Variants in NAGA observed in about 807,000 individuals in gnomAD.
NAGA encodes alpha-N-acetylgalactosaminidase, also known as Acetylgalactosaminidase, alpha-N- (alpha-galactosidase B).
In NAGA, 42 loss-of-function variants were observed where a neutral mutation model predicts 45.6. That is an observed-to-expected ratio of 0.92 (90% confidence interval 0.72 to 1.19). NAGA has a LOEUF of 1.19. NAGA is among the 50% of genes most tolerant of loss of function. The pLI, the probability that NAGA is intolerant of heterozygous loss-of-function variation, is 0.00. For missense variants in NAGA, 493 were observed against 544.8 expected (o/e 0.90, Z 0.95); for synonymous variants, 176 against 203.1 (o/e 0.87, Z 1.13).
Position 42,067,830 on chromosome 22 carries a change from C to T in NAGA, c.259G>A (p.Ala87Thr). The T allele has an allele frequency of 6.2e-7, 1 of 1,612,450 alleles. No individual in the cohort carries two copies. Among genetic ancestry groups the T allele is most frequent in the Non-Finnish European group, 8.5e-7 (1 of 1,179,954 alleles). The stretch of plus-strand genomic sequence containing the variant: ...GGATCCGGCATCAGGCGGCCACTGG[C>T]ATCGCGACCACCGATCCAGCAGTCA... ...IDDCWIGGRD[A>T]SGRLMPDPKR... is the part of the protein sequence containing the mutation. Residue 87 changes from alanine (A) to threonine (T), a missense_variant, in exon 3 of 9, where the codon GCC (alanine) becomes ACC (threonine). By Grantham distance (58) the Ala-to-Thr change is moderately conservative. Coordinates refer to ENST00000396398, the MANE Select transcript of NAGA (RefSeq NM_000262.3).
intron 5 of NAGA, 87 bp from the exon 6 acceptor site, chr22:42,065,986 GGA>G: frequency 2.0e-6 from 3 of 1,511,474 alleles, no homozygotes; most frequent in East Asian, 2.4e-5. Flanking sequence ...AGGCTCAGCA[GGA>G]GAGACAGAGA....
Position 42,070,400 on chromosome 22 carries a change from G to A in NAGA, c.-103C>T. On this transcript the variant is annotated 5_prime_UTR_variant, in exon 1 of 9. Transcript: ENST00000396398. ...TAAGAAACGTCTGAAAAGCACTGGG[G>A]TCACGGCTGCCTGGCTAGCTCGGCC... 5 of 1,443,978 alleles carry A rather than the reference G, an allele frequency of 3.5e-6. No individual in the cohort carries two copies. Among genetic ancestry groups the A allele is most frequent in the East Asian group, 2.3e-5 (1 of 44,094 alleles). The allele number at this position is 1,443,978 out of a possible 1,614,324, so 89.4% of individuals were successfully genotyped here.
rs1336564049 is a variant in NAGA at position 42,070,344 on chromosome 22, G to C, written c.-47C>G. On this transcript the variant is annotated 5_prime_UTR_variant, in exon 1 of 9. Coordinates refer to ENST00000396398, the MANE Select transcript of NAGA (RefSeq NM_000262.3). The stretch of plus-strand genomic sequence containing the variant: ...GGACCTGACCAGATCTGGTCTGCGT[G>C]TATCAGCTGTATGTGTTGGGCTCTG... The C allele has an allele frequency of 1.9e-6, 3 of 1,610,770 alleles. No homozygotes were observed. Among genetic ancestry groups the C allele is most frequent in the Non-Finnish European group, 2.5e-6 (3 of 1,177,044 alleles).
Position 42,065,919 on chromosome 22 carries a change from C to T in NAGA, c.598-20G>A. The T allele has an allele frequency of 6.2e-7, 1 of 1,612,786 alleles. No individual in the cohort carries two copies. Among genetic ancestry groups the T allele is most frequent in the South Asian group, 1.1e-5 (1 of 90,860 alleles). On this transcript the variant is annotated intron_variant, in intron 5 of 8. Coordinates refer to ENST00000396398, the MANE Select transcript of NAGA (RefSeq NM_000262.3). ...GTTCACCTGGATGTCGAGGGGAAGGCAGAGTCCAGCACCAGAATCACACGC... is the reference window on the plus strand; with the variant it reads ...GTTCACCTGGATGTCGAGGGGAAGGTAGAGTCCAGCACCAGAATCACACGC...
Position 42,065,828 on chromosome 22 carries a change from C to T in NAGA, c.669G>A (p.Trp223Ter). Residue 223 changes from tryptophan (W) to a stop codon, truncating the protein, a stop_gained, in exon 6 of 9, where the codon TGG (tryptophan) becomes TGA (stop). Transcript: ENST00000396398. LOFTEE classifies it high-confidence loss of function. ...RNYDDIQDSWWSVLSILNWFV... is the reference protein window; with the variant it reads ...RNYDDIQDSW ...ACCAATTCAGGATGGAGAGCACGCT[C>T]CACCAGGAGTCCTGGATGTCATCAT... 1 of 1,614,164 alleles carries T rather than the reference C, an allele frequency of 6.2e-7. No individual in the cohort carries two copies. The highest frequency in any genetic ancestry group is 2.2e-5 in the East Asian group (1 of 44,872).
chr22:42,067,703 G>T, intron 3 of NAGA, 62 bp downstream of exon 3: 1 of 1,413,706 alleles, frequency 7.1e-7, no homozygotes, highest in Non-Finnish European at 9.9e-7. Flanking sequence ...AGCCCTAAGC[G>T]AGGTAGGGTG....
chr22:42,068,024 A>G lies in NAGA; in HGVS notation c.153-88T>C, dbSNP rs35608568. The G allele has an allele frequency of 8.6e-3, 10,969 of 1,281,504 alleles. 63 individuals are homozygous for G. Among genetic ancestry groups the G allele is most frequent in the Non-Finnish European group, 0.011 (9,678 of 885,648 alleles). 79.4% of individuals were successfully genotyped at this position (1,281,504 alleles called of 1,614,324 possible). On this transcript the variant is annotated intron_variant, in intron 2 of 8. Transcript: ENST00000396398. ...CCTCAGCTCTGATTGAATCTGGGCT[A>G]TAAAAACCATGACCTTGCTGAGCCC...
intron 7 of NAGA, 43 bp downstream of exon 7, chr22:42,062,784 C>T: frequency 1.2e-5 from 19 of 1,601,498 alleles, no homozygotes; most frequent in Non-Finnish European, 1.6e-5. Flanking sequence ...CAGGAGAACC[C>T]AGTTCCTCAG....
chr22:42,069,929 G>T (rs1428496824), intron 1 of NAGA, among the ~76,000 whole-genome samples: 2 of 152,344 alleles, frequency 1.3e-5, no homozygotes, highest in South Asian at 4.1e-4. Flanking sequence ...AAGTAAGCCA[G>T]CCAGGATGGG....
intron 7 of NAGA, 142 bp downstream of exon 7, chr22:42,062,685 G>T: frequency 1.1e-6 from 1 of 906,462 alleles, no homozygotes; most frequent in Non-Finnish European, 1.8e-6. Context: ...TCAACCATAA[G>T]CAACCAGAAG....
At chr22:42,061,620 G>A (rs1926398778) in intron 7 of NAGA, among the ~76,000 whole-genome samples, 1 of 152,164 alleles carries the variant, frequency 6.6e-6, no homozygotes, top group African/African-American at 2.4e-5. Flanking sequence ...AGTTCTGTAG[G>A]TTTCTTTTTA....
At chr22:42,066,142 T>TG in intron 5 of NAGA, among the ~76,000 whole-genome samples, 1 of 152,300 alleles carries the variant, frequency 6.6e-6, no homozygotes. Context: ...CATGCCAGCT[T>TG]GGGTCAAACC....
Position 42,065,904 on chromosome 22 carries a change from A to G in NAGA, c.598-5T>C. Reference sequence around the variant, plus strand: ...CGCCAGCAGACTGTAGTTCACCTGGATGTCGAGGGGAAGGCAGAGTCCAGC... The same window carrying G: ...CGCCAGCAGACTGTAGTTCACCTGGGTGTCGAGGGGAAGGCAGAGTCCAGC... On this transcript the variant is annotated splice_region_variant and splice_polypyrimidine_tract_variant and intron_variant, in intron 5 of 8. Transcript: ENST00000396398. The G allele has an allele frequency of 1.9e-6, 3 of 1,613,918 alleles. No individual in the cohort carries two copies. Among genetic ancestry groups the G allele is most frequent in the South Asian group, 2.2e-5 (2 of 91,032 alleles).
rs1366705544 is a variant in NAGA at position 42,067,884 on chromosome 22, C to T, written c.205G>A (p.Asp69Asn). 10 of 1,613,684 alleles carry T rather than the reference C, an allele frequency of 6.2e-6. No individual in the cohort carries two copies. The highest frequency in any genetic ancestry group is 5.5e-5 in the South Asian group (5 of 91,090). Residue 69 changes from aspartate (D) to asparagine (N), a missense_variant, in exon 3 of 9, where the codon GAC (aspartate) becomes AAC (asparagine). Transcript: ENST00000396398. ...ATGTTGAGGTATGTGTAGCCCATGT[C>T]CCGCCATCCATCCTGTGCCATCCGG... ...ADRMAQDGWRDMGYTYLNIDD... is the reference protein window; with the variant it reads ...ADRMAQDGWRNMGYTYLNIDD...
At chr22:42,067,349 G>A (rs933763839) in intron 3 of NAGA, 59 bp from the exon 4 acceptor site, 46 of 1,599,324 alleles carry the variant, frequency 2.9e-5, no homozygotes, top group African/African-American at 5.4e-5. Flanking sequence ...CCTCCTCAAG[G>A]CATATCTGAC....
intron 1 of NAGA, among the ~76,000 whole-genome samples, chr22:42,069,762 C>T (rs1454330194): frequency 1.3e-5 from 2 of 152,122 alleles, no homozygotes; most frequent in Non-Finnish European, 2.9e-5. Flanking sequence ...TGTATACGTA[C>T]TGTGGTTTCT....
intron 3 of NAGA, among the ~76,000 whole-genome samples, chr22:42,067,497 T>C (rs1926812438): frequency 6.6e-6 from 1 of 152,220 alleles, no homozygotes; most frequent in African/African-American, 2.4e-5. Context: ...CCTAGGCCTT[T>C]GCTCCTGCCA....
Position 42,067,294 on chromosome 22 carries a change from T to C in NAGA, c.325-4A>G, listed in dbSNP as rs1421289187. ...ACTTCAGGCCCAGGGAGTGAACCTG[T>C]GGGGGTTTGAGGACACAGTGGGCTC... On this transcript the variant is annotated splice_region_variant and splice_polypyrimidine_tract_variant and intron_variant, in intron 3 of 8. Coordinates refer to ENST00000396398, the MANE Select transcript of NAGA (RefSeq NM_000262.3). 6.2e-7 allele frequency: 1 copy of C among 1,613,844 alleles called. No individual in the cohort carries two copies. Among genetic ancestry groups the C allele is most frequent in the African/African-American group, 1.3e-5 (1 of 74,882 alleles).
In NAGA at chr22:42,062,928, G is replaced by C; in HGVS notation, c.856C>G (p.Leu286Val). ...LAAPLLMSTD[L>V]RTISAQNMDI... ...ATGTTCTGGGCGGAGATGGTACGCA[G>C]GTCTGTGGACATCAAGAGGGGGGCT... Residue 286 changes from leucine (L) to valine (V), a missense_variant, in exon 7 of 9, where the codon CTG becomes GTG. Coordinates refer to ENST00000396398, the MANE Select transcript of NAGA (RefSeq NM_000262.3). The C allele has an allele frequency of 6.2e-7, 1 of 1,614,186 alleles. No individual in the cohort carries two copies. The highest frequency in any genetic ancestry group is 8.5e-7 in the Non-Finnish European group (1 of 1,180,030).
Sources: gnomAD v4.1 joint callset for allele counts (sites outside exome capture counted in the v4.1 genomes callset) on GRCh38, gnomAD v4.1.1 for gene constraint, MANE v1.5 for transcripts, NCBI Gene and HGNC (gene_info 2026-07-23, HGNC 2026-07-21) for gene names.